The following NRXN2 variants were observed in gnomAD, a reference collection of about 807,000 sequenced individuals.
NRXN2 encodes neurexin 2.
Under a neutral mutation model 128.8 loss-of-function variants are expected in NRXN2, and 29 were observed. The observed-to-expected ratio is 0.23, with a 90% CI of 0.17 to 0.31. NRXN2 has a LOEUF of 0.31. Ranked by LOEUF, NRXN2 falls within the 10% of genes least tolerant of loss-of-function variation. The pLI, the probability that NRXN2 is intolerant of heterozygous loss-of-function variation, is 1.00. For synonymous variants in NRXN2, 1,098 were observed against 1,075.2 expected (o/e 1.02, Z -0.41); for missense variants, 1,881 against 2,452.6 (o/e 0.77, Z 4.92).
At position 64,661,632 on chromosome 11, in the gene NRXN2, G is replaced by C. The variant is rs192542865; in HGVS notation, c.1799-493C>G. Among the ~76,000 whole-genome samples the C allele has an allele frequency of 2.6e-5, 4 of 152,290 alleles. No homozygotes were observed. The East Asian group carries it at 5.8e-4, about 22-fold the overall frequency. Reference sequence around the variant, plus strand: ...TTGAGCTTTTATGACTAGATGCCAGGCACCTAGCACTTTAAATATATTATA... The same window carrying C: ...TTGAGCTTTTATGACTAGATGCCAGCCACCTAGCACTTTAAATATATTATA... On this transcript the variant is annotated intron_variant, in intron 9 of 22. Transcript: ENST00000265459.
At chr11:64,671,424 A>T (rs2050608714) in intron 7 of NRXN2, among the ~76,000 whole-genome samples, 1 of 152,156 alleles carries the variant, frequency 6.6e-6, no homozygotes, top group Non-Finnish European at 1.5e-5. Context: ...CGTTAGTAAA[A>T]GCAGGAAACA....
intron 1 of NRXN2, among the ~76,000 whole-genome samples, chr11:64,717,399 G>T (rs2057331576): frequency 6.6e-6 from 1 of 152,114 alleles, no homozygotes; most frequent in South Asian, 2.1e-4. Flanking sequence ...GTAATCCTGG[G>T]GTTCTGTACC....
At chr11:64,608,857 G>C (rs775980868) in intron 22 of NRXN2, among the ~76,000 whole-genome samples, 1 of 152,148 alleles carries the variant, frequency 6.6e-6, no homozygotes, top group Non-Finnish European at 1.5e-5. Context: ...TCAGCATGTC[G>C]GGGAGGGAGG....
At chr11:64,654,023 C>T (rs866281003) in intron 11 of NRXN2, among the ~76,000 whole-genome samples, 2 of 152,154 alleles carry the variant, frequency 1.3e-5, no homozygotes, top group Admixed American at 6.5e-5. Context: ...CTGAGGGAGA[C>T]GGGCACCTTG....
chr11:64,678,024 C>T (rs762877266), intron 6 of NRXN2, among the ~76,000 whole-genome samples: 14 of 152,070 alleles, frequency 9.2e-5, no homozygotes, highest in Non-Finnish European at 1.8e-4. Context: ...GTCATGGATG[C>T]CTGCTTTTCC....
At chr11:64,690,335 C>A (rs892271429) in intron 5 of NRXN2, 70 bp downstream of exon 5, 115 of 1,431,270 alleles carry the variant, frequency 8.0e-5, no homozygotes, top group East Asian at 2.3e-5. Flanking sequence ...CTTGGCTTCC[C>A]CCCAGGAAGC....
chr11:64,651,704 G>A lies in NRXN2; in HGVS notation c.2537-68C>T. 1 of 1,578,546 alleles carries A rather than the reference G, an allele frequency of 6.3e-7. No individual in the cohort carries two copies. Among genetic ancestry groups the A allele is most frequent in the Non-Finnish European group, 8.6e-7 (1 of 1,156,994 alleles). Reference sequence around the variant, plus strand: ...GCAGGGCTGGGGCTTGGGTTCCCAGGAGCCTCCCCTCCACAGGAGGGCCAC... The same window carrying A: ...GCAGGGCTGGGGCTTGGGTTCCCAGAAGCCTCCCCTCCACAGGAGGGCCAC... On this transcript the variant is annotated intron_variant, in intron 13 of 22. Transcript: ENST00000265459. The surrounding 1 kb of genome is among the most constrained non-coding windows in gnomAD (Gnocchi z 5.9).
chr11:64,628,947 T>C (rs1361555186), intron 19 of NRXN2, among the ~76,000 whole-genome samples: 1 of 152,176 alleles, frequency 6.6e-6, no homozygotes, highest in African/African-American at 2.4e-5. Context: ...GTTGTCCATA[T>C]GTCTAAGGTT....
intron 3 of NRXN2, among the ~76,000 whole-genome samples, chr11:64,697,367 C>T (rs1329169518): frequency 6.6e-6 from 1 of 152,148 alleles, no homozygotes; most frequent in African/African-American, 2.4e-5. Flanking sequence ...GTTTCTGGGG[C>T]AACAGCCCAC....
chr11:64,611,870 A>C, intron 22 of NRXN2, among the ~76,000 whole-genome samples: 2 of 151,052 alleles, frequency 1.3e-5, no homozygotes, highest in African/African-American at 4.9e-5. Context: ...TGACTGTACG[A>C]TCTCCTGAGG....
chr11:64,660,673 G>A lies in NRXN2; in HGVS notation c.2185+80C>T. 1 of 1,599,540 alleles carries A rather than the reference G, an allele frequency of 6.3e-7. No individual in the cohort carries two copies. The highest frequency in any genetic ancestry group is 8.5e-7 in the Non-Finnish European group (1 of 1,176,886). On this transcript the variant is annotated intron_variant, in intron 10 of 22. Transcript: ENST00000265459. The surrounding 1 kb of genome is among the most constrained non-coding windows in gnomAD (Gnocchi z 5.2). ...TTCCCCTAGGAGGAGGTGGCACAGG[G>A]ATGGAAAGTAGGAGTCACCCTGAGA...
intron 2 of NRXN2, among the ~76,000 whole-genome samples, chr11:64,704,144 C>G (rs1181945634): frequency 6.6e-6 from 1 of 152,110 alleles, no homozygotes; most frequent in Non-Finnish European, 1.5e-5. Flanking sequence ...GATGTTAGAG[C>G]TGACAGAATA....
intron 2 of NRXN2, among the ~76,000 whole-genome samples, chr11:64,708,566 G>C (rs1180724820): frequency 6.6e-6 from 1 of 152,184 alleles, no homozygotes; most frequent in Non-Finnish European, 1.5e-5. Flanking sequence ...CGTGTGGCCA[G>C]ATCTCTGAGA....
chr11:64,642,682 A>G (rs1406762645), intron 17 of NRXN2: 9 of 1,555,096 alleles, frequency 5.8e-6, no homozygotes, highest in African/African-American at 4.2e-5. Flanking sequence ...CAGCAACAGC[A>G]GCAACAGCGG....
rs1030066095 is a variant in NRXN2 at position 64,713,250 on chromosome 11, C to A, written c.450G>T (p.Leu150=). 1 of 1,454,834 alleles carries A rather than the reference C, an allele frequency of 6.9e-7. No homozygotes were observed. Among genetic ancestry groups the A allele is most frequent in the South Asian group, 1.3e-5 (1 of 76,220 alleles). The allele number at this position is 1,454,834 out of a possible 1,614,324, so 90.1% of individuals were successfully genotyped here. ...KRREMQVASD[L]FVGGIPPDVR... ...CGTCGGGCGGGATGCCGCCCACGAA[C>A]AGGTCGCTGGCCACCTGCATCTCGC... Residue 150 remains leucine, a synonymous_variant, in exon 2 of 23, where the codon CTG becomes CTT. Transcript: ENST00000265459.
intron 7 of NRXN2, among the ~76,000 whole-genome samples, chr11:64,670,288 T>C (rs988199537): frequency 7.2e-5 from 11 of 151,976 alleles, no homozygotes; most frequent in Admixed American, 5.9e-4. Flanking sequence ...GGAGGGCTGG[T>C]CATTATCGTT....
intron 9 of NRXN2, among the ~76,000 whole-genome samples, chr11:64,666,603 G>A (rs540788949): frequency 2.0e-5 from 3 of 151,960 alleles, no homozygotes; most frequent in East Asian, 3.9e-4. Context: ...TCGCTCTGTC[G>A]CTCAAGCTGG....
intron 20 of NRXN2, among the ~76,000 whole-genome samples, chr11:64,625,075 CTA>C (rs764910646): frequency 1.3e-5 from 2 of 152,204 alleles, no homozygotes; most frequent in East Asian, 3.9e-4. Flanking sequence ...CACTACCTCT[CTA>C]ATCCAATTGG....
At position 64,713,389 on chromosome 11, in the gene NRXN2, TC is replaced by T; in HGVS notation, c.310del (p.Asp104ThrfsTer14). The T allele has an allele frequency of 6.8e-7, 1 of 1,471,586 alleles. No individual in the cohort carries two copies. The highest frequency in any genetic ancestry group is 9.0e-7 in the Non-Finnish European group (1 of 1,115,854). The allele number at this position is 1,471,586 out of a possible 1,614,324, so 91.2% of individuals were successfully genotyped here. A position where few individuals can be genotyped will look rare whatever the true frequency, so the allele number is the denominator to read the frequency against. Reference sequence around the variant, plus strand: ...CCAGCGGTCGTCGGCCACCGGCGTGTCCAGCTGCAGCGTGGCCGGCTCGGCG... The same window carrying T: ...CCAGCGGTCGTCGGCCACCGGCGTGTCAGCTGCAGCGTGGCCGGCTCGGCG... The part of the protein sequence containing the change: ...SCAEPATLQL[D>X]TPVADDRWHM... On this transcript the variant is annotated frameshift_variant, in exon 2 of 23. Coordinates refer to ENST00000265459, the MANE Select transcript of NRXN2 (RefSeq NM_015080.4). LOFTEE classifies it high-confidence loss of function.
Sources: gnomAD v4.1 joint callset for allele counts (sites outside exome capture counted in the v4.1 genomes callset) on GRCh38, gnomAD v4.1.1 for gene constraint, Gnocchi (gnomAD v3.1) non-coding constraint, MANE v1.5 for transcripts, NCBI Gene and HGNC (gene_info 2026-07-23, HGNC 2026-07-21) for gene names.